CEP72: variants seen among roughly 807,000 people sequenced by gnomAD.
CEP72 encodes centrosomal protein 72, also known as centrosomal protein of 72 kDa.
In CEP72, 78 loss-of-function variants were observed where a neutral mutation model predicts 65.7. That is an observed-to-expected ratio of 1.19 (90% CI 0.99 to 1.43). The LOEUF (loss-of-function observed/expected upper bound fraction) is 1.43, where lower values mean the gene tolerates loss of function less well. CEP72 is among the 40% of genes most tolerant of loss of function. CEP72 has a pLI of 0.00. For missense variants in CEP72, 914 were observed against 832.9 expected (o/e 1.10, Z -1.20); for synonymous variants, 358 against 351.7 (o/e 1.02, Z -0.20).
downstream of CEP72, among the ~76,000 whole-genome samples, chr5:668,400 C>G (rs1313105936): frequency 2.8e-4 from 26 of 92,534 alleles, 5 homozygotes; most frequent in Admixed American, 9.2e-4. Context: ...AGGGAAGTAC[C>G]GACAAGCACA....
At chr5:649,606 C>G (rs568645088) in intron 11 of CEP72, among the ~76,000 whole-genome samples, 1 of 77,386 alleles carries the variant, frequency 1.3e-5, no homozygotes, top group East Asian at 3.9e-4. Flanking sequence ...GACTGTGAGG[C>G]GTGGACTGTG....
At position 618,992 on chromosome 5, in the gene CEP72, G is replaced by C; in HGVS notation, c.85G>C (p.Glu29Gln). Residue 29 changes from glutamate to glutamine, a missense_variant and splice_region_variant, in exon 2 of 12, where the codon GAG becomes CAG. Glu to Gln is a conservative substitution (Grantham distance 29). Transcript: ENST00000264935. ...SGLGPHRDLAELQSLSIPGTY... is the reference protein window; with the variant it reads ...SGLGPHRDLAQLQSLSIPGTY... ...TCTTACAATTTTTCTATTCTTAGCT[G>C]AGCTTCAGTCATTGTCTATTCCTGG... 1.9e-6 allele frequency: 3 copies of C among 1,605,268 alleles called. No individual in the cohort carries two copies. In the South Asian group the frequency reaches 3.3e-5, roughly 18 times the overall value.
chr5:644,402 C>A lies in CEP72; in HGVS notation c.1643C>A (p.Ala548Asp), dbSNP rs1259174609. 1 of 1,613,776 alleles carries A rather than the reference C, an allele frequency of 6.2e-7. No homozygotes were observed. Among genetic ancestry groups the A allele is most frequent in the African/African-American group, 1.3e-5 (1 of 74,940 alleles). Residue 548 changes from alanine (A) to aspartate (D), a missense_variant, in exon 10 of 12, where the codon GCC becomes GAC. By Grantham distance (126) the Ala-to-Asp change is moderately radical. Transcript: ENST00000264935. ...GAAGTGAAGAGTGCAGACACTGCAG[C>A]CACGTTAAATTTGCAGATCGCTGGT... ...KKEVKSADTA[A>D]TLNLQIAGLQ...
intron 9 of CEP72, chr5:642,426 C>T (rs535556743): frequency 2.6e-5 from 26 of 985,444 alleles, no homozygotes; most frequent in African/African-American, 5.2e-5. Flanking sequence ...CACACGTGAC[C>T]GGCTGTCTGG....
the CEP72 span, chr5:675,987 G>C: frequency 6.6e-6 from 1 of 152,108 alleles, no homozygotes; most frequent in East Asian, 1.9e-4. Context: ...TCGCACCCGG[G>C]GCCCTGGATG....
chr5:657,912 G>T (rs1361943584), downstream of CEP72, among the ~76,000 whole-genome samples: 1 of 152,218 alleles, frequency 6.6e-6, no homozygotes, highest in Non-Finnish European at 1.5e-5. Flanking sequence ...AAGTGTTAGG[G>T]GTTTTCTTTT....
chr5:650,361 T>G (rs1365308899), intron 11 of CEP72, among the ~76,000 whole-genome samples: 2 of 93,656 alleles, frequency 2.1e-5, no homozygotes, highest in Non-Finnish European at 2.0e-5. Context: ...GACTGTGAGG[T>G]GTGACTGTGA....
At chr5:649,557 T>TG (rs1738780457) in intron 11 of CEP72, among the ~76,000 whole-genome samples, 1 of 108,316 alleles carries the variant, frequency 9.2e-6, no homozygotes, top group Non-Finnish European at 1.9e-5. Context: ...CTGTGAGGTG[T>TG]GACTGTGAGG....
intron 1 of CEP72, among the ~76,000 whole-genome samples, chr5:618,253 A>G (rs1248779523): frequency 6.6e-6 from 1 of 152,296 alleles, no homozygotes; most frequent in East Asian, 1.9e-4. Flanking sequence ...CCGAAACTTC[A>G]GGTACGTTCC....
Position 647,847 on chromosome 5 carries a change from A to G in CEP72, c.1709A>G (p.Glu570Gly). The G allele has an allele frequency of 6.2e-7, 1 of 1,612,498 alleles. No individual in the cohort carries two copies. The highest frequency in any genetic ancestry group is 1.3e-5 in the African/African-American group (1 of 74,898). ...SVKRLCGEIV[E>G]LKQHLEHYDK... ...AAGAGGCTGTGTGGCGAGATTGTGGAACTGAAGCAGCACCTGGAGCACTAC... is the reference window on the plus strand; with the variant it reads ...AAGAGGCTGTGTGGCGAGATTGTGGGACTGAAGCAGCACCTGGAGCACTAC... The change falls in exon 11 of 12, where the codon GAA becomes GGA. Residue 570 changes from glutamate (E) to glycine (G), a missense_variant. Transcript: ENST00000264935.
chr5:666,202 C>G, intron 4 of CEP72: 2 of 1,519,782 alleles, frequency 1.3e-6, no homozygotes, highest in East Asian at 2.3e-5. Context: ...CTGAGCAGAG[C>G]TGGACAGCCA....
chr5:629,038 G>C (rs968938278), intron 4 of CEP72, among the ~76,000 whole-genome samples: 1 of 152,244 alleles, frequency 6.6e-6, no homozygotes, highest in African/African-American at 2.4e-5. Flanking sequence ...CCCGGGGAGT[G>C]GGACTGTCCT....
Position 639,118 on chromosome 5 carries a change from C to T in CEP72, c.1236C>T (p.Pro412=), listed in dbSNP as rs778950063. 5.6e-6 allele frequency: 9 copies of T among 1,613,202 alleles called. No homozygotes were observed. Among genetic ancestry groups the T allele is most frequent in the East Asian group, 4.5e-5 (2 of 44,894 alleles). ...CTCCCGGGTCACACTCGGCTCTACC[C>T]GGGAAGAAGACGGCCCTGCAGGCGG... ...EPSPGSHSAL[P]GKKTALQAAL... The change falls in exon 8 of 12, where the codon CCC becomes CCT. Residue 412 remains proline (P), a synonymous_variant. Transcript: ENST00000264935.
At position 645,893 on chromosome 5, in the gene CEP72, TCGG is replaced by T. The variant is rs1738383712; in HGVS notation, c.1666+1473_1666+1475del. Among the ~76,000 whole-genome samples, 1 of 152,244 alleles carries T rather than the reference TCGG, an allele frequency of 6.6e-6. No homozygotes were observed. ...TGTGTGAGCGTCACTCCTGCTCCCG[TCGG>T]CGGCCTGTGTGGACGGTGAATTCGG... On this transcript the variant is annotated intron_variant, in intron 10 of 11. Transcript: ENST00000264935. The surrounding 1 kb of genome is among the most constrained non-coding windows in gnomAD (Gnocchi z 4.0).
chr5:618,908 A>G (rs139323228), intron 1 of CEP72, 82 bp from the exon 2 acceptor site: 8 of 1,136,594 alleles, frequency 7.0e-6, no homozygotes, highest in South Asian at 2.7e-5. Flanking sequence ...TTTCTACTCC[A>G]TATCCAACAC....
At chr5:616,943 T>G (rs546743170) in intron 1 of CEP72, among the ~76,000 whole-genome samples, 1 of 151,048 alleles carries the variant, frequency 6.6e-6, no homozygotes, top group East Asian at 1.9e-4. Flanking sequence ...TGTGTATGTG[T>G]TGTTGTGTGT....
chr5:638,581 C>G (rs959023116), intron 7 of CEP72, among the ~76,000 whole-genome samples: 3 of 151,126 alleles, frequency 2.0e-5, no homozygotes, highest in African/African-American at 7.3e-5. Flanking sequence ...GGTCCCAGAG[C>G]TGGGTGGGGC....
intron 4 of CEP72, among the ~76,000 whole-genome samples, chr5:666,314 A>G (rs528854914): frequency 2.4e-4 from 36 of 152,276 alleles, no homozygotes; most frequent in African/African-American, 8.4e-4. Flanking sequence ...GGTCCTCTAT[A>G]AAGCTGGATG....
At chr5:654,455 C>CTG (rs70955277), downstream of CEP72, among the ~76,000 whole-genome samples, 441 of 148,940 alleles carry the variant, frequency 3.0e-3, 3 homozygotes, top group South Asian at 0.014. Context: ...GTGTGTGCTT[C>CTG]TGTGTGTGTG....
Sources: gnomAD v4.1 joint callset for allele counts (sites outside exome capture counted in the v4.1 genomes callset) on GRCh38, gnomAD v4.1.1 for gene constraint, Gnocchi (gnomAD v3.1) non-coding constraint, MANE v1.5 for transcripts, NCBI Gene and HGNC (gene_info 2026-07-23, HGNC 2026-07-21) for gene names.